Variants in PLS3 observed in about 807,000 individuals in gnomAD.
PLS3 encodes the protein plastin 3.
A neutral mutation model predicts 46.5 loss-of-function variants in PLS3; 11 were observed. That is an observed-to-expected ratio of 0.24 (90% CI 0.15 to 0.39). PLS3 has a LOEUF of 0.39. PLS3 is among the 10% of genes least tolerant of loss of function. The pLI is 1.00. For missense variants in PLS3, 308 were observed against 461.8 expected, an observed-to-expected ratio of 0.67 and a Z score of 3.05; for synonymous variants, 167 against 162.2, an observed-to-expected ratio of 1.03 and a Z score of -0.22.
intron 2 of PLS3, 109 bp downstream of exon 2, chrX:115,610,432 T>C (rs1289869852): frequency 2.7e-6 from 1 of 375,852 alleles, no homozygotes; most frequent in African/African-American, 2.6e-5. Context: ...TAGGGCAAGA[T>C]AGTTAAAATA....
In PLS3 at chrX:115,571,449, C is replaced by T. The variant is rs113913684; in HGVS notation, c.-9+10189C>T. 5.5e-3 allele frequency among the ~76,000 whole-genome samples: 585 copies of T among 106,657 alleles called. 2 individuals carry two copies. The highest frequency in any genetic ancestry group is 0.019 in the African/African-American group (542 of 29,124). The allele number at this position is 106,657 out of a possible 115,157, so 92.6% of individuals were successfully genotyped here. A position where few individuals can be genotyped will look rare whatever the true frequency, so the allele number is the denominator to read the frequency against. ...ACAAGAATCCCTCGAGTCTGGGAGG[C>T]GGAGGCTGCAGTGAGCCAAGATCGT... On this transcript the variant is annotated intron_variant, in intron 1 of 15. Transcript: ENST00000355899.
At chrX:115,572,705 C>T (rs1452187065) in intron 1 of PLS3, among the ~76,000 whole-genome samples, 1 of 111,553 alleles carries the variant, frequency 9.0e-6, no homozygotes, top group Non-Finnish European at 1.9e-5. Context: ...GCTAGGGCTA[C>T]AAAGACGGAT....
chrX:115,615,227 A>G (rs1024612066), intron 2 of PLS3, among the ~76,000 whole-genome samples: 2 of 111,141 alleles, frequency 1.8e-5, no homozygotes, highest in Non-Finnish European at 3.8e-5. Flanking sequence ...ATTCTGGCTT[A>G]GCTTTCTCCA....
intron 1 of PLS3, among the ~76,000 whole-genome samples, chrX:115,569,369 A>G (rs2074198783): frequency 8.9e-6 from 1 of 111,989 alleles, no homozygotes; most frequent in Admixed American, 9.5e-5. Context: ...TCAGTATCCT[A>G]AAGAAACATT....
rs968550437 is a variant in PLS3, at chrX:115,629,240, C to T, written c.280C>T (p.Arg94Cys). 5.8e-6 allele frequency: 7 copies of T among 1,196,592 alleles called. No individual in the cohort carries two copies. Among genetic ancestry groups the T allele is most frequent in the Admixed American group, 2.2e-5 (1 of 45,762 alleles). Reference sequence around the variant, plus strand: ...AAGTAGTGATATTGCCAAGACCTTCCGCAAAGCAATCAACAGGAAAGAAGG... The same window carrying T: ...AAGTAGTGATATTGCCAAGACCTTCTGCAAAGCAATCAACAGGAAAGAAGG... ...VKSSDIAKTFRKAINRKEGIC... is the reference protein window; with the variant it reads ...VKSSDIAKTFCKAINRKEGIC... The change falls in exon 4 of 16, where the codon CGC (arginine) becomes TGC (cysteine). Residue 94 changes from arginine (R) to cysteine (C), a missense_variant. Around this residue, in one of 2 missense-constraint regions of PLS3, gnomAD observed 271 missense variants for 435.7 expected, o/e 0.62. Coordinates refer to ENST00000355899, the MANE Select transcript of PLS3 (RefSeq NM_005032.7).
At chrX:115,607,103 A>G (rs1216465738) in intron 1 of PLS3, among the ~76,000 whole-genome samples, 2 of 110,494 alleles carry the variant, frequency 1.8e-5, no homozygotes, top group Non-Finnish European at 3.8e-5. Context: ...AAATACAAAA[A>G]TTAGCCAGGC....
intron 8 of PLS3, chrX:115,639,700 T>C (rs974258644): frequency 3.0e-6 from 1 of 334,452 alleles, no homozygotes; most frequent in Non-Finnish European, 5.8e-6. Context: ...TAATAAGCGT[T>C]TGTGCAAGTA....
chrX:115,619,597 C>T (rs1477107471), intron 2 of PLS3, among the ~76,000 whole-genome samples: 1 of 112,709 alleles, frequency 8.9e-6, no homozygotes. Flanking sequence ...TTTATAAATC[C>T]AAAGCAAAGA....
intron 1 of PLS3, among the ~76,000 whole-genome samples, chrX:115,566,677 C>CGTTTTGTTTT (rs781786486): frequency 9.5e-6 from 1 of 105,027 alleles, no homozygotes; most frequent in Non-Finnish European, 1.9e-5. Context: ...GCGCCCGGCC[C>CGTTTTGTTTT]GTTTTGTTTT....
chrX:115,583,265 T>C (rs1556632026), intron 1 of PLS3, among the ~76,000 whole-genome samples: 1 of 112,494 alleles, frequency 8.9e-6, no homozygotes, highest in Non-Finnish European at 1.9e-5. Context: ...ATTTTTCAGC[T>C]GGACTTTTTG....
At chrX:115,565,407 G>A (rs1387374942) in intron 1 of PLS3, among the ~76,000 whole-genome samples, 1 of 111,210 alleles carries the variant, frequency 9.0e-6, no homozygotes, top group Non-Finnish European at 1.9e-5. Context: ...TGGACAGATA[G>A]ATTATCTTAA....
intron 2 of PLS3, among the ~76,000 whole-genome samples, chrX:115,616,422 C>G (rs1263396850): frequency 8.9e-6 from 1 of 112,171 alleles, no homozygotes; most frequent in Non-Finnish European, 1.9e-5. Flanking sequence ...CAAAGACTAT[C>G]ATTTAGCCAG....
In PLS3 at chrX:115,615,487, C is replaced by CAGAGAGAGAG. The variant is rs72382307; in HGVS notation, c.73+5198_73+5207dup. 2.1e-3 allele frequency among the ~76,000 whole-genome samples: 157 copies of CAGAGAGAGAG among 73,758 alleles called. 3 individuals are homozygous for CAGAGAGAGAG. The highest frequency in any genetic ancestry group is 7.5e-3 in the Middle Eastern group (1 of 133). The allele number at this position is 73,758 out of a possible 115,157, so 64.0% of individuals were successfully genotyped here. ...GCAGATGTGAACCTACACGTGTCAT[C>CAGAGAGAGAG]AGAGAGAGAGAGAGAGAGAGAGAGA... On this transcript the variant is annotated intron_variant, in intron 2 of 15. Transcript: ENST00000355899.
intron 1 of PLS3, among the ~76,000 whole-genome samples, chrX:115,602,635 A>G (rs141540020): frequency 1.0e-3 from 115 of 111,810 alleles, no homozygotes; most frequent in African/African-American, 3.5e-3. Context: ...CTGTTCACAC[A>G]TAATGGTGGC....
rs370654090 is a variant in PLS3 at position 115,643,525 on chromosome X, A to G, written c.1183+17A>G. The G allele has an allele frequency of 2.0e-5, 20 of 987,002 alleles. No individual in the cohort carries two copies. The African/African-American group carries it at 2.6e-4, about 13-fold the overall frequency. The allele number at this position is 987,002 out of a possible 1,213,427, so 81.3% of individuals were successfully genotyped here. A position where few individuals can be genotyped will look rare whatever the true frequency, so the allele number is the denominator to read the frequency against. ...TATTAGAAGGTAACTAAAAACCTCA[A>G]TTTCGAATGTGTGGGACTATAGAGT... On this transcript the variant is annotated intron_variant, in intron 10 of 15. Coordinates refer to ENST00000355899, the MANE Select transcript of PLS3 (RefSeq NM_005032.7).
chrX:115,613,806 A>G (rs1469934061), intron 2 of PLS3, among the ~76,000 whole-genome samples: 1 of 109,959 alleles, frequency 9.1e-6, no homozygotes, highest in Non-Finnish European at 1.9e-5. Context: ...CCAGCCAGGT[A>G]TATTTTGCTT....
intron 1 of PLS3, among the ~76,000 whole-genome samples, chrX:115,595,731 C>T (rs1441488441): frequency 3.4e-4 from 33 of 96,895 alleles, no homozygotes; most frequent in Admixed American, 2.9e-3. Flanking sequence ...ACTCTGTTGC[C>T]CAGGCTGGAG....
intron 1 of PLS3, among the ~76,000 whole-genome samples, chrX:115,566,789 G>A (rs2074177188): frequency 9.1e-6 from 1 of 109,825 alleles, no homozygotes; most frequent in African/African-American, 3.3e-5. Context: ...AGTGATTCTC[G>A]TGCCTCAGCC....
intron 7 of PLS3, 37 bp downstream of exon 7, chrX:115,635,083 G>C: frequency 1.8e-6 from 2 of 1,141,626 alleles, no homozygotes; most frequent in Non-Finnish European, 2.4e-6. Flanking sequence ...TTGTTTATTG[G>C]TTATTTTTTT....
Sources: allele counts gnomAD v4.1 joint callset (sites outside exome capture counted in the v4.1 genomes callset), GRCh38; gene constraint gnomAD v4.1.1; regional missense constraint gnomAD v4.1.1; transcripts MANE v1.5; gene names NCBI Gene and HGNC (gene_info 2026-07-23, HGNC 2026-07-21).